Variants in PPP3CA observed in about 807,000 individuals in gnomAD.
PPP3CA encodes protein phosphatase 3 catalytic subunit alpha.
Under a neutral mutation model 66.5 loss-of-function variants are expected in PPP3CA, and 14 were observed. That is an observed-to-expected ratio of 0.21 (90% confidence interval 0.14 to 0.33). The LOEUF is 0.33. Ranked by LOEUF, PPP3CA falls within the 10% of genes least tolerant of loss-of-function variation. The pLI is 1.00. For missense variants in PPP3CA, 317 were observed against 639.5 expected (o/e 0.50, Z 5.44); for synonymous variants, 232 against 226.2 (o/e 1.03, Z -0.23).
intron 1 of PPP3CA, among the ~76,000 whole-genome samples, chr4:101,235,672 T>C (rs1317556737): frequency 6.6e-6 from 1 of 151,852 alleles, no homozygotes; most frequent in Non-Finnish European, 1.5e-5. Context: ...TAATATAGCA[T>C]ATTATGGCCA....
chr4:101,347,440 C>G lies in PPP3CA; in HGVS notation c.-644G>C. On this transcript the variant is annotated 5_prime_UTR_variant, in exon 1 of 14. Transcript: ENST00000394854. Reference sequence around the variant, plus strand: ...GAGACGTCCCGCCGCCGCGATCGCCCGCGCTCGCCTCTGCCTCCCCGCGCC... The same window carrying G: ...GAGACGTCCCGCCGCCGCGATCGCCGGCGCTCGCCTCTGCCTCCCCGCGCC... 6.0e-6 allele frequency: 1 copy of G among 167,302 alleles called. No homozygotes were observed. The highest frequency in any genetic ancestry group is 1.3e-5 in the Non-Finnish European group (1 of 79,270). The allele number at this position is 167,302 out of a possible 1,614,324, so 10.4% of individuals were successfully genotyped here. A position where few individuals can be genotyped will look rare whatever the true frequency, so the allele number is the denominator to read the frequency against.
At chr4:101,106,449 GAAAGAGAAA>G (rs1560605067) in intron 3 of PPP3CA, among the ~76,000 whole-genome samples, 135 of 5,548 alleles carry the variant, frequency 0.024, 36 homozygotes, top group Admixed American at 0.041. Context: ...AAGAAAGAAA[GAAAGAGAAA>G]AGAAAAGAAA....
rs1430083870 is a variant in PPP3CA at position 101,347,100 on chromosome 4, T to C, written c.-304A>G. 1 of 501,124 alleles carries C rather than the reference T, an allele frequency of 2.0e-6. No individual in the cohort carries two copies. The highest frequency in any genetic ancestry group is 2.1e-5 in the African/African-American group (1 of 48,144). The allele number at this position is 501,124 out of a possible 1,614,324, so 31.0% of individuals were successfully genotyped here. A position where few individuals can be genotyped will look rare whatever the true frequency, so the allele number is the denominator to read the frequency against. On this transcript the variant is annotated 5_prime_UTR_variant, in exon 1 of 14. In the 5' UTR this introduces an upstream ATG that the reference lacks. Transcript: ENST00000394854. ...TGAGCACGCCTCCCGGTTCTTCTTT[T>C]ATTCTTGGGGGAAGGGGGATGGGGA...
chr4:101,338,693 A>G (rs17031182), intron 1 of PPP3CA, among the ~76,000 whole-genome samples: 16,160 of 152,170 alleles, frequency 0.11, 2,916 homozygotes, highest in African/African-American at 0.37. Context: ...GCAGGTCTCA[A>G]AGGAGGTAAC....
chr4:101,139,369 GA>G (rs1415401909), intron 2 of PPP3CA, among the ~76,000 whole-genome samples: 3 of 143,502 alleles, frequency 2.1e-5, no homozygotes, highest in African/African-American at 5.2e-5. Flanking sequence ...AAAAAAAAAG[GA>G]CAACCCATTA....
intron 2 of PPP3CA, among the ~76,000 whole-genome samples, chr4:101,169,678 A>C (rs1723809165): frequency 6.6e-6 from 1 of 152,162 alleles, no homozygotes; most frequent in Admixed American, 6.6e-5. Context: ...GCATCTGATT[A>C]TAAGCTGCTA....
intron 2 of PPP3CA, among the ~76,000 whole-genome samples, chr4:101,112,416 A>G (rs551330497): frequency 1.3e-4 from 20 of 152,262 alleles, no homozygotes; most frequent in African/African-American, 4.3e-4. Flanking sequence ...AATTGCTGTA[A>G]ACTCTGCATG....
chr4:101,088,435 A>T (rs1729767231), intron 6 of PPP3CA, among the ~76,000 whole-genome samples: 1 of 151,970 alleles, frequency 6.6e-6, no homozygotes, highest in Non-Finnish European at 1.5e-5. Flanking sequence ...AATATAAAAA[A>T]TTAGCCTGGT....
rs1728660264 is a variant in PPP3CA at position 101,065,902 on chromosome 4, A to G, written c.956-2545T>C. 2.0e-5 allele frequency among the ~76,000 whole-genome samples: 3 copies of G among 152,260 alleles called. No individual in the cohort carries two copies. In the South Asian group the frequency reaches 6.2e-4, roughly 32 times the overall value. ...TAAAAGTTCATTTGACCTTGGCTCA[A>G]TACAATTTACTTGAGTACCTACTGA... On this transcript the variant is annotated intron_variant, in intron 8 of 13. Transcript: ENST00000394854.
intron 1 of PPP3CA, among the ~76,000 whole-genome samples, chr4:101,302,729 T>A (rs1728418853): frequency 6.6e-6 from 1 of 152,158 alleles, no homozygotes; most frequent in Admixed American, 6.5e-5. Context: ...TTCAATATTA[T>A]CATTCCAATT....
chr4:101,242,631 T>A (rs773008606), intron 1 of PPP3CA, among the ~76,000 whole-genome samples: 1 of 152,096 alleles, frequency 6.6e-6, no homozygotes, highest in Non-Finnish European at 1.5e-5. Flanking sequence ...TATCGAAATA[T>A]GTTACATTAA....
chr4:101,060,080 G>C (rs139600974), intron 10 of PPP3CA, among the ~76,000 whole-genome samples: 98 of 152,100 alleles, frequency 6.4e-4, no homozygotes, highest in Admixed American at 9.8e-4. Context: ...CAGATACGGA[G>C]GGCTGACTGT....
At chr4:101,192,356 C>G (rs1724634639) in intron 2 of PPP3CA, among the ~76,000 whole-genome samples, 1 of 152,104 alleles carries the variant, frequency 6.6e-6, no homozygotes, top group Non-Finnish European at 1.5e-5. Flanking sequence ...TCCTACTCAT[C>G]TCATCCAGGA....
chr4:101,280,320 T>C (rs1727639187), intron 1 of PPP3CA, among the ~76,000 whole-genome samples: 3 of 152,096 alleles, frequency 2.0e-5, no homozygotes, highest in South Asian at 4.2e-4. Context: ...ACAGAGGTAA[T>C]AGCAAATATA....
intron 1 of PPP3CA, among the ~76,000 whole-genome samples, chr4:101,242,184 G>C (rs1404769902): frequency 7.9e-6 from 1 of 127,236 alleles, no homozygotes; most frequent in Non-Finnish European, 1.7e-5. Flanking sequence ...AATGTTTACA[G>C]ACAGCATTAG....
intron 11 of PPP3CA, among the ~76,000 whole-genome samples, chr4:101,034,069 C>T (rs1295946342): frequency 1.3e-5 from 2 of 152,226 alleles, no homozygotes; most frequent in Middle Eastern, 3.4e-3. Context: ...ATTCAGAACT[C>T]TCTAATGGCT....
At chr4:101,124,719 AAGAAAGAGAAAG>A (rs1578471406) in intron 2 of PPP3CA, among the ~76,000 whole-genome samples, 32 of 79,716 alleles carry the variant, frequency 4.0e-4, no homozygotes, top group African/African-American at 1.1e-3. Flanking sequence ...GAAAGAAAGA[AAGAAAGAGAAAG>A]AAAGAAAGAA....
At chr4:101,186,563 A>G (rs780248020) in intron 2 of PPP3CA, among the ~76,000 whole-genome samples, 12 of 152,180 alleles carry the variant, frequency 7.9e-5, no homozygotes, top group Non-Finnish European at 1.5e-4. Context: ...ATAATAGCTC[A>G]TATTTCCCAT....
intron 2 of PPP3CA, among the ~76,000 whole-genome samples, chr4:101,194,396 A>G (rs76082088): frequency 2.0e-3 from 297 of 152,282 alleles, no homozygotes; most frequent in East Asian, 0.014. Context: ...TATATGAAAT[A>G]CTTTTAGATG....
Sources: gnomAD v4.1 joint callset for allele counts (sites outside exome capture counted in the v4.1 genomes callset) on GRCh38, gnomAD v4.1.1 for gene constraint, MANE v1.5 for transcripts, NCBI Gene and HGNC (gene_info 2026-07-23, HGNC 2026-07-21) for gene names.